Variants in DPPA3 observed in about 807,000 individuals in gnomAD.
The protein encoded by DPPA3 is developmental pluripotency associated 3.
A neutral mutation model predicts 15.6 loss-of-function variants in DPPA3; 9 were observed. The ratio of observed to expected loss-of-function variants is 0.58; its 90% confidence interval spans 0.35 to 1.01. DPPA3 has a LOEUF of 1.01. Ranked by LOEUF, DPPA3 falls within the 50% of genes least tolerant of loss-of-function variation. The pLI is 0.02. For missense variants in DPPA3, 148 were observed against 194.6 expected (o/e 0.76, Z 1.42); for synonymous variants, 61 against 70.9 (o/e 0.86, Z 0.70).
chr12:7,715,528 G>A (rs1041200639), intron 2 of DPPA3, 101 bp downstream of exon 2: 68 of 1,560,074 alleles, frequency 4.4e-5, no homozygotes, highest in Non-Finnish European at 5.4e-5. Flanking sequence ...CGGTGCGGTG[G>A]CTGAGGCCTG....
Position 7,711,720 on chromosome 12 carries a change from CTTTTTT to C in DPPA3, c.82+92_82+97del, listed in dbSNP as rs3069565. ...GGTTGGGAGGTCAAAAGGCTGCCGTCTTTTTTTTTTTTTTTTTTTTTTTTTTTTTAA... is the reference window on the plus strand; with the variant it reads ...GGTTGGGAGGTCAAAAGGCTGCCGTCTTTTTTTTTTTTTTTTTTTTTTTAA... On this transcript the variant is annotated intron_variant, in intron 1 of 3. Transcript: ENST00000345088. 4.5e-3 allele frequency: 1,524 copies of C among 340,138 alleles called. 2 individuals carry two copies. The highest frequency in any genetic ancestry group is 0.015 in the South Asian group (354 of 23,866). 21.1% of individuals were successfully genotyped at this position (340,138 alleles called of 1,614,324 possible). A position where few individuals can be genotyped will look rare whatever the true frequency, so the allele number is the denominator to read the frequency against.
chr12:7,714,832 C>T (rs1420736718), intron 1 of DPPA3, among the ~76,000 whole-genome samples: 1 of 152,048 alleles, frequency 6.6e-6, no homozygotes, highest in African/African-American at 2.4e-5. Flanking sequence ...CCTGCCTCAG[C>T]CTCCCAAGTA....
At chr12:7,713,420 A>T (rs1198243480) in intron 1 of DPPA3, among the ~76,000 whole-genome samples, 1 of 152,174 alleles carries the variant, frequency 6.6e-6, no homozygotes, top group Non-Finnish European at 1.5e-5. Context: ...CCTCGTTTCT[A>T]TGTGCACAGG....
At position 7,717,153 on chromosome 12, in the gene DPPA3, G is replaced by A. The variant is rs1043400905; in HGVS notation, c.*76G>A. On this transcript the variant is annotated 3_prime_UTR_variant, in exon 4 of 4. Coordinates refer to ENST00000345088, the MANE Select transcript of DPPA3 (RefSeq NM_199286.4). ...GAGAAAGCTACTCTATGCTAGTATA[G>A]ACTATACACCAATAATTTTGATAAT... 5 of 879,308 alleles carry A rather than the reference G, an allele frequency of 5.7e-6. No individual in the cohort carries two copies. The African/African-American group carries it at 6.7e-5, about 12-fold the overall frequency. 54.5% of individuals were successfully genotyped at this position (879,308 alleles called of 1,614,324 possible). A position where few individuals can be genotyped will look rare whatever the true frequency, so the allele number is the denominator to read the frequency against.
chr12:7,715,985 GGGTGGGT>G (rs1165739672), intron 2 of DPPA3, among the ~76,000 whole-genome samples: 1 of 151,876 alleles, frequency 6.6e-6, no homozygotes, highest in East Asian at 1.9e-4. Context: ...AGCTGCTGTG[GGGTGGGT>G]GGCTGAGGGC....
At chr12:7,715,093 C>A in intron 1 of DPPA3, 90 bp from the exon 2 acceptor site, 1 of 1,568,140 alleles carries the variant, frequency 6.4e-7, no homozygotes, top group Non-Finnish European at 8.7e-7. Flanking sequence ...TCCCACACAG[C>A]GCCCTGTTCC....
intron 1 of DPPA3, among the ~76,000 whole-genome samples, chr12:7,712,385 AAC>A (rs1400132712): frequency 1.3e-5 from 2 of 152,098 alleles, no homozygotes; most frequent in African/African-American, 2.4e-5. Flanking sequence ...AAAAAAATGA[AAC>A]AATATGAGAA....
intron 1 of DPPA3, among the ~76,000 whole-genome samples, chr12:7,713,836 T>C (rs1328442077): frequency 1.3e-5 from 2 of 152,196 alleles, no homozygotes; most frequent in Non-Finnish European, 2.9e-5. Flanking sequence ...ACTCAGTGGA[T>C]CTCTTAAGTG....
chr12:7,715,042 G>A (rs933686427), intron 1 of DPPA3, 141 bp from the exon 2 acceptor site: 1 of 1,282,482 alleles, frequency 7.8e-7, no homozygotes, highest in African/African-American at 1.5e-5. Flanking sequence ...AAAGACTAGA[G>A]GTTGTGCGTT....
intron 1 of DPPA3, 68 bp downstream of exon 1, chr12:7,711,720 C>CTTTTTTTTTTTTTTTTTTTTTTTT (rs3069565): frequency 6.2e-6 from 2 of 321,022 alleles, no homozygotes; most frequent in African/African-American, 4.4e-5. Context: ...AGGCTGCCGT[C>CTTTTTTTTTTTTTTTTTTTTTTTT]TTTTTTTTTT....
At chr12:7,713,895 G>A (rs1165689996) in intron 1 of DPPA3, among the ~76,000 whole-genome samples, 5 of 152,212 alleles carry the variant, frequency 3.3e-5, no homozygotes, top group Non-Finnish European at 7.4e-5. Flanking sequence ...CGCTTGTAGC[G>A]CCAGCTACTC....
chr12:7,717,052 A>C lies in DPPA3; in HGVS notation c.455A>C (p.Gln152Pro), dbSNP rs770880705. 26 of 1,613,514 alleles carry C rather than the reference A, an allele frequency of 1.6e-5. No homozygotes were observed. The highest frequency in any genetic ancestry group is 2.1e-5 in the Non-Finnish European group (25 of 1,179,784). The change falls in exon 4 of 4, where the codon CAA becomes CCA. Residue 152 changes from glutamine to proline, a missense_variant. By Grantham distance (76) the Gln-to-Pro change is moderately conservative. Coordinates refer to ENST00000345088, the MANE Select transcript of DPPA3 (RefSeq NM_199286.4). Reference sequence around the variant, plus strand: ...TCTGAGAATGCTAGAATAGGGAATCAAGACACCAAGCCACTTCAGCCATAA... The same window carrying C: ...TCTGAGAATGCTAGAATAGGGAATCCAGACACCAAGCCACTTCAGCCATAA... ...DPSENARIGN[Q>P]DTKPLQP
intron 2 of DPPA3, among the ~76,000 whole-genome samples, 161 bp from the exon 3 acceptor site, chr12:7,716,037 A>G (rs186734200): frequency 6.6e-6 from 1 of 152,232 alleles, no homozygotes; most frequent in African/African-American, 2.4e-5. Flanking sequence ...TGGGGGGTTA[A>G]GGCTGCAGTG....
At chr12:7,711,788 G>T in intron 1 of DPPA3, 136 bp downstream of exon 1, 1 of 735,374 alleles carries the variant, frequency 1.4e-6, no homozygotes, top group Non-Finnish European at 2.0e-6. Flanking sequence ...ATGTATTTAG[G>T]TAAACCTCAA....
rs138428433 is a variant in DPPA3, at chr12:7,715,323, G to A, written c.223G>A (p.Glu75Lys). Residue 75 changes from glutamate to lysine, a missense_variant, in exon 2 of 4, where the codon GAA (glutamate) becomes AAA (lysine). Transcript: ENST00000345088. Reference protein sequence around the residue: ...SVGAAVLREIEDEWLYSRRGV... With the variant: ...SVGAAVLREIKDEWLYSRRGV... The stretch of plus-strand genomic sequence containing the variant: ...AGGAGCAGCAGTCCTCAGGGAAATC[G>A]AAGATGAGTGGCTTTACAGCAGGAG... 6.2e-7 allele frequency: 1 copy of A among 1,614,060 alleles called. No homozygotes were observed. Among genetic ancestry groups the A allele is most frequent in the Non-Finnish European group, 8.5e-7 (1 of 1,179,980 alleles).
chr12:7,714,260 A>C (rs760441493), intron 1 of DPPA3, among the ~76,000 whole-genome samples: 1 of 136,818 alleles, frequency 7.3e-6, no homozygotes, highest in Non-Finnish European at 1.5e-5. Context: ...TCTAGAAAAC[A>C]AGGGATTACA....
intron 3 of DPPA3, 41 bp downstream of exon 3, chr12:7,716,280 T>TTTTGGCTATA: frequency 6.8e-6 from 10 of 1,468,544 alleles, no homozygotes; most frequent in Non-Finnish European, 8.2e-6. Flanking sequence ...TTTTTTTTTT[T>TTTTGGCTATA]TGGCTATATA....
At chr12:7,715,060 G>A (rs781271690) in intron 1 of DPPA3, 123 bp from the exon 2 acceptor site, 5 of 1,441,016 alleles carry the variant, frequency 3.5e-6, no homozygotes, top group Non-Finnish European at 4.8e-6. Context: ...GTTGTTTACT[G>A]TGACCTTCCA....
At chr12:7,712,017 G>C (rs1433720692) in intron 1 of DPPA3, among the ~76,000 whole-genome samples, 1 of 144,712 alleles carries the variant, frequency 6.9e-6, no homozygotes, top group Admixed American at 7.1e-5. Context: ...CTGGGTTCAC[G>C]CCATTCTCCT....
Sources: allele counts gnomAD v4.1 joint callset (sites outside exome capture counted in the v4.1 genomes callset), GRCh38; gene constraint gnomAD v4.1.1; transcripts MANE v1.5; gene names NCBI Gene and HGNC (gene_info 2026-07-23, HGNC 2026-07-21).